The following CORO1C variants were observed in gnomAD, a reference collection of about 807,000 sequenced individuals.
CORO1C encodes coronin 1C, also known as coronin-1C.
CORO1C carries 14 observed loss-of-function variants against 51.2 expected under a neutral mutation model. The ratio of observed to expected loss-of-function variants is 0.27; its 90% CI spans 0.18 to 0.43. The LOEUF (loss-of-function observed/expected upper bound fraction) is 0.43. Among genes scored for constraint, CORO1C ranks in the 20% least tolerant of loss-of-function variants. The probability of loss-of-function intolerance (pLI) is 1.00; values close to 1 mark genes in which losing one functional copy is unlikely to be tolerated. For synonymous variants in CORO1C, 181 were observed against 210.5 expected (o/e 0.86, Z 1.21); for missense variants, 417 against 607.8 (o/e 0.69, Z 3.30).
In CORO1C at chr12:108,647,410, G is replaced by A. The variant is rs2032408795; in HGVS notation, c.1418C>T (p.Ala473Val). The A allele has an allele frequency of 6.2e-7, 1 of 1,613,182 alleles. No individual in the cohort carries two copies. Reference sequence around the variant, plus strand: ...GGGGTGGGGGTGGGACCTTCAGGCTGCTATCTTTGCCATCTGCTGTTCTAA... The same window carrying A: ...GGGGTGGGGGTGGGACCTTCAGGCTACTATCTTTGCCATCTGCTGTTCTAA... ...SKLEQQMAKI[A>V]A Residue 473 changes from alanine (A) to valine (V), a missense_variant, in exon 11 of 11, where the codon GCA becomes GTA. Coordinates refer to ENST00000261401, the MANE Select transcript of CORO1C (RefSeq NM_014325.4).
rs769765678 is a variant in CORO1C at position 108,648,869 on chromosome 12, A to G, written c.1060-19T>C. ...GGTCAGACTACAAGAGACATTTGGC[A>G]CCCGTGGGTAAGGAAGAAGAAAGGC... On this transcript the variant is annotated intron_variant, in intron 9 of 10. Coordinates refer to ENST00000261401, the MANE Select transcript of CORO1C (RefSeq NM_014325.4). The G allele has an allele frequency of 1.9e-6, 3 of 1,613,842 alleles. No homozygotes were observed. The Admixed American group carries it at 5.0e-5, about 27-fold the overall frequency.
chr12:108,657,193 G>A (rs931666555), intron 6 of CORO1C, 111 bp downstream of exon 6: 35 of 1,406,310 alleles, frequency 2.5e-5, no homozygotes, highest in East Asian at 1.4e-4. Flanking sequence ...ACAATCAGGC[G>A]TTTAGAAAAC....
At chr12:108,707,116 C>T (rs1044277476) in intron 1 of CORO1C, among the ~76,000 whole-genome samples, 1 of 152,230 alleles carries the variant, frequency 6.6e-6, no homozygotes, top group South Asian at 2.1e-4. Flanking sequence ...ATTCCCCAAA[C>T]TAAGATATAG....
At chr12:108,664,948 G>A (rs543380728) in intron 3 of CORO1C, among the ~76,000 whole-genome samples, 23 of 152,214 alleles carry the variant, frequency 1.5e-4, no homozygotes, top group Non-Finnish European at 2.9e-4. Context: ...AAGATGCACT[G>A]TGACCCCACT....
chr12:108,702,692 ATGG>A, intron 1 of CORO1C: 5 of 1,236,892 alleles, frequency 4.0e-6, no homozygotes, highest in Non-Finnish European at 5.4e-6. Flanking sequence ...GACGAGACAC[ATGG>A]TGGGCTGTTG....
chr12:108,697,979 G>A (rs1055363644), intron 2 of CORO1C, among the ~76,000 whole-genome samples: 6 of 152,202 alleles, frequency 3.9e-5, no homozygotes, highest in Non-Finnish European at 7.3e-5. Flanking sequence ...TAGGTTTTCT[G>A]ATAACATGGA....
chr12:108,676,945 CAGGA>C, intron 3 of CORO1C, among the ~76,000 whole-genome samples: 1 of 152,104 alleles, frequency 6.6e-6, no homozygotes, highest in Non-Finnish European at 1.5e-5. Flanking sequence ...TATGAGATCA[CAGGA>C]GGAGACATTC....
At chr12:108,667,076 C>G (rs1265823119) in intron 3 of CORO1C, among the ~76,000 whole-genome samples, 1 of 134,586 alleles carries the variant, frequency 7.4e-6, no homozygotes, top group South Asian at 2.4e-4. Flanking sequence ...TAGCGCGTGG[C>G]AAAAAAAAAA....
At position 108,658,583 on chromosome 12, in the gene CORO1C, G is replaced by A. The variant is rs1476979494; in HGVS notation, c.630+155C>T. Among the ~76,000 whole-genome samples, 1 of 152,214 alleles carries A rather than the reference G, an allele frequency of 6.6e-6. No homozygotes were observed. The highest frequency in any genetic ancestry group is 2.4e-5 in the African/African-American group (1 of 41,456). ...AACTCTGGAGAGAAGCACAACTGGG[G>A]AGACAGAAGCCTTTATAAGCCTTCT... On this transcript the variant is annotated intron_variant, in intron 5 of 10. Transcript: ENST00000261401. This position sits in a 1 kb window ranked among gnomAD's most constrained non-coding sequence, Gnocchi z 4.9.
rs186048384 is a variant in CORO1C, at chr12:108,647,065, C to T, written c.*338G>A. The T allele has an allele frequency of 1.6e-4, 31 of 189,574 alleles. No homozygotes were observed. Among genetic ancestry groups the T allele is most frequent in the Non-Finnish European group, 2.8e-4 (26 of 93,962 alleles). The allele number at this position is 189,574 out of a possible 1,614,324, so 11.7% of individuals were successfully genotyped here. On this transcript the variant is annotated 3_prime_UTR_variant, in exon 11 of 11. Coordinates refer to ENST00000261401, the MANE Select transcript of CORO1C (RefSeq NM_014325.4). The stretch of plus-strand genomic sequence containing the variant: ...TTAAAAAAAAAAGGGTACTTGGGCA[C>T]GACACAATCAGAATTAGTTTGTTTT...
At chr12:108,712,719 C>T (rs952313191) in intron 1 of CORO1C, among the ~76,000 whole-genome samples, 3 of 151,624 alleles carry the variant, frequency 2.0e-5, no homozygotes, top group East Asian at 1.9e-4. Context: ...CGTTGGCTCA[C>T]GCCTGCAATC....
At chr12:108,700,989 G>A (rs2034849564) in intron 2 of CORO1C, 135 bp downstream of exon 2, 1 of 969,422 alleles carries the variant, frequency 1.0e-6, no homozygotes, top group Non-Finnish European at 1.6e-6. Context: ...AGTAAGGCGT[G>A]TGGAACTTAA....
At chr12:108,704,983 G>A (rs2034986226) in intron 1 of CORO1C, among the ~76,000 whole-genome samples, 1 of 152,200 alleles carries the variant, frequency 6.6e-6, no homozygotes, top group African/African-American at 2.4e-5. Context: ...GATGGTGGCA[G>A]GAGATTCTTA....
intron 1 of CORO1C, among the ~76,000 whole-genome samples, chr12:108,721,753 A>G (rs2136887645): frequency 1.3e-5 from 2 of 152,182 alleles, no homozygotes; most frequent in African/African-American, 4.8e-5. Context: ...TAAGTTTATA[A>G]AAGAATAGAA....
intron 1 of CORO1C, among the ~76,000 whole-genome samples, chr12:108,722,534 T>C (rs1381790770): frequency 6.6e-6 from 1 of 152,170 alleles, no homozygotes; most frequent in African/African-American, 2.4e-5. Context: ...AATTCCACTA[T>C]CACCATAAAC....
rs750189318 is a variant in CORO1C, at chr12:108,701,417, T to C, written c.-5-94A>G. The stretch of plus-strand genomic sequence containing the variant: ...AATGCTCCAAGTAGGAAAAACAGAA[T>C]GGTATGGCATTTTGTCTGCTCTCCT... On this transcript the variant is annotated intron_variant, in intron 1 of 10. Coordinates refer to ENST00000261401, the MANE Select transcript of CORO1C (RefSeq NM_014325.4). 50 of 1,569,198 alleles carry C rather than the reference T, an allele frequency of 3.2e-5. 1 individual carries two copies. Among genetic ancestry groups the C allele is most frequent in the South Asian group, 9.2e-5 (8 of 86,918 alleles).
At chr12:108,680,079 T>C (rs2034069639) in intron 2 of CORO1C, among the ~76,000 whole-genome samples, 1 of 152,238 alleles carries the variant, frequency 6.6e-6, no homozygotes, top group African/African-American at 2.4e-5. Flanking sequence ...TGTTGTGAAC[T>C]TTTATGGACC....
At chr12:108,724,669 T>C (rs1289362408) in intron 1 of CORO1C, among the ~76,000 whole-genome samples, 1 of 152,238 alleles carries the variant, frequency 6.6e-6, no homozygotes, top group Admixed American at 6.5e-5. Context: ...GATGGTGAGA[T>C]ACTGGTGCCA....
At chr12:108,708,873 C>T (rs1370882231) in intron 1 of CORO1C, among the ~76,000 whole-genome samples, 1 of 152,090 alleles carries the variant, frequency 6.6e-6, no homozygotes, top group Admixed American at 6.6e-5. Context: ...CCACCTCAGC[C>T]TCCCAAGTAG....
Sources: gnomAD v4.1 joint callset for allele counts (sites outside exome capture counted in the v4.1 genomes callset) on GRCh38, gnomAD v4.1.1 for gene constraint, Gnocchi (gnomAD v3.1) non-coding constraint, MANE v1.5 for transcripts, NCBI Gene and HGNC (gene_info 2026-07-23, HGNC 2026-07-21) for gene names.